ATRN: variants seen among roughly 807,000 people sequenced by gnomAD.
The protein encoded by ATRN is attractin.
ATRN carries 54 observed loss-of-function variants against 178.7 expected under a neutral mutation model. The ratio of observed to expected loss-of-function variants is 0.30; its 90% CI spans 0.24 to 0.38. The LOEUF (loss-of-function observed/expected upper bound fraction) is 0.38, where lower values mean the gene tolerates loss of function less well. Ranked by LOEUF, ATRN falls within the 10% of genes least tolerant of loss-of-function variation. ATRN has a pLI of 1.00. For missense variants in ATRN, 1,443 were observed against 1,815.1 expected, an observed-to-expected ratio of 0.79 and a Z score of 3.73; for synonymous variants, 636 against 663.0, an observed-to-expected ratio of 0.96 and a Z score of 0.63.
intron 18 of ATRN, among the ~76,000 whole-genome samples, chr20:3,589,284 C>G (rs925486034): frequency 6.6e-6 from 1 of 152,126 alleles, no homozygotes; most frequent in Non-Finnish European, 1.5e-5. Context: ...AGGCGTGAGC[C>G]ACCACGCCCG....
At chr20:3,611,346 C>T (rs543330434) in intron 24 of ATRN, among the ~76,000 whole-genome samples, 35 of 152,164 alleles carry the variant, frequency 2.3e-4, no homozygotes, top group Non-Finnish European at 4.0e-4. Context: ...AGTAAACAAA[C>T]GAACAATTCA....
Position 3,650,806 on chromosome 20 carries a change from T to C in ATRN, c.*3959T>C, listed in dbSNP as rs539860228. On this transcript the variant is annotated 3_prime_UTR_variant, in exon 29 of 29. Transcript: ENST00000262919. ...TGGAAATGTTTTTGTTTTATAGTTA[T>C]TTACGATTTCGTTTGTTTGGATTCA... The C allele has an allele frequency of 4.4e-4, 67 of 152,818 alleles. No homozygotes were observed. Among genetic ancestry groups the C allele is most frequent in the African/African-American group, 1.6e-3 (65 of 41,584 alleles). The allele number at this position is 152,818 out of a possible 1,614,324, so 9.5% of individuals were successfully genotyped here.
chr20:3,540,295 G>A lies in ATRN; in HGVS notation c.568G>A (p.Asp190Asn), dbSNP rs2146189489. The change falls in exon 3 of 29, where the codon GAT (aspartate) becomes AAT (asparagine). Residue 190 changes from aspartate (D) to asparagine (N), a missense_variant. Physicochemically the swap from Asp to Asn is conservative, Grantham distance 23 (BLOSUM62 1). Coordinates refer to ENST00000262919, the MANE Select transcript of ATRN (RefSeq NM_139321.3). ...TAGTTGGGACCATTTATATGTTTAT[G>A]ATGGGGACTCAATTTATGCACCGCT... The part of the protein sequence containing the change: ...ECSWDHLYVY[D>N]GDSIYAPLVA... The A allele has an allele frequency of 6.2e-7, 1 of 1,610,968 alleles. No homozygotes were observed. Among genetic ancestry groups the A allele is most frequent in the Non-Finnish European group, 8.5e-7 (1 of 1,178,408 alleles).
intron 15 of ATRN, among the ~76,000 whole-genome samples, chr20:3,580,430 G>T (rs954186460): frequency 6.6e-6 from 1 of 152,222 alleles, no homozygotes; most frequent in African/African-American, 2.4e-5. Context: ...ACTGACAGAT[G>T]AGAGACAACT....
intron 23 of ATRN, among the ~76,000 whole-genome samples, chr20:3,602,963 CAAAAAAAAAAAAAAAAAAA>C (rs3842439): frequency 2.4e-5 from 1 of 40,868 alleles, no homozygotes; most frequent in Non-Finnish European, 4.5e-5. Context: ...AATTCCATCT[CAAAAAAAAAAAAAAAAAAA>C]AAAAAAAAAA....
rs1331325911 is a variant in ATRN, at chr20:3,645,827, C to G, written c.4166-896C>G. Among the ~76,000 whole-genome samples, 1 of 151,956 alleles carries G rather than the reference C, an allele frequency of 6.6e-6. No homozygotes were observed. The highest frequency in any genetic ancestry group is 1.5e-5 in the Non-Finnish European group (1 of 68,006). On this transcript the variant is annotated intron_variant, in intron 28 of 28. Coordinates refer to ENST00000262919, the MANE Select transcript of ATRN (RefSeq NM_139321.3). The surrounding 1 kb of genome is among the most constrained non-coding windows in gnomAD (Gnocchi z 4.7). The stretch of plus-strand genomic sequence containing the variant: ...CACTAACACAACTCCTGGCAGGTCT[C>G]AGCAGAGCTCCGAGCCTGCGCTGGC...
chr20:3,540,653 T>C (rs772829885), intron 3 of ATRN, among the ~76,000 whole-genome samples: 5 of 152,252 alleles, frequency 3.3e-5, no homozygotes, highest in Non-Finnish European at 5.9e-5. Flanking sequence ...GAGAGTGATA[T>C]ATTGAATGAT....
chr20:3,580,017 A>C (rs1226066046), intron 15 of ATRN, among the ~76,000 whole-genome samples: 1 of 152,174 alleles, frequency 6.6e-6, no homozygotes, highest in Non-Finnish European at 1.5e-5. Flanking sequence ...ACATATTCTT[A>C]GTGTGTTTAC....
At chr20:3,485,848 C>G (rs536656078) in intron 1 of ATRN, among the ~76,000 whole-genome samples, 1 of 151,962 alleles carries the variant, frequency 6.6e-6, no homozygotes, top group East Asian at 1.9e-4. Context: ...TCTCAAACTC[C>G]TGACCTCATA....
chr20:3,592,423 A>G (rs2086461042), intron 19 of ATRN: 1 of 983,360 alleles, frequency 1.0e-6, no homozygotes, highest in East Asian at 1.1e-4. Context: ...AAGAAAAAAA[A>G]AAAAGTCCTG....
At chr20:3,583,845 C>T in intron 16 of ATRN, 53 bp from the exon 17 acceptor site, 1 of 1,512,726 alleles carries the variant, frequency 6.6e-7, no homozygotes, top group East Asian at 2.3e-5. Context: ...AAGTCTTTGA[C>T]CTTAGCGGAC....
chr20:3,514,945 A>G (rs904331344), intron 1 of ATRN, among the ~76,000 whole-genome samples: 1 of 152,208 alleles, frequency 6.6e-6, no homozygotes, highest in African/African-American at 2.4e-5. Flanking sequence ...TGACAAAGCA[A>G]GACACTGTCT....
At chr20:3,502,934 G>T (rs376544444) in intron 1 of ATRN, among the ~76,000 whole-genome samples, 1 of 152,226 alleles carries the variant, frequency 6.6e-6, no homozygotes, top group African/African-American at 2.4e-5. Context: ...AAGAGCAAGT[G>T]GCCCATTACA....
At chr20:3,555,262 C>G (rs546702307) in intron 6 of ATRN, among the ~76,000 whole-genome samples, 182 of 152,140 alleles carry the variant, frequency 1.2e-3, no homozygotes, top group African/African-American at 4.1e-3. Flanking sequence ...CTCGGCCTCC[C>G]AAAGTGCTGG....
chr20:3,559,479 A>T lies in ATRN; in HGVS notation c.1199A>T (p.Tyr400Phe). Residue 400 changes from tyrosine to phenylalanine, a missense_variant, in exon 7 of 29, where the codon TAC (tyrosine) becomes TTC (phenylalanine). This residue lies in a region of ATRN where 862 missense variants were observed against 972.1 expected (regional missense o/e 0.89). Coordinates refer to ENST00000262919, the MANE Select transcript of ATRN (RefSeq NM_139321.3). ...VVRYGHSLAL[Y>F]KDKIYMYGGK... ...AGATATGGTCATTCTTTGGCATTAT[A>T]CAAGGTAAAGCATCTCCACTCTGTG... 1 of 1,612,560 alleles carries T rather than the reference A, an allele frequency of 6.2e-7. No individual in the cohort carries two copies. Among genetic ancestry groups the T allele is most frequent in the South Asian group, 1.1e-5 (1 of 91,040 alleles).
chr20:3,567,750 A>G (rs1760180313), intron 11 of ATRN, among the ~76,000 whole-genome samples: 1 of 152,084 alleles, frequency 6.6e-6, no homozygotes, highest in Non-Finnish European at 1.5e-5. Flanking sequence ...AGGAAGGAGG[A>G]GGAGAGATGG....
In ATRN at chr20:3,572,941, T is replaced by C. The variant is rs1473265030; in HGVS notation, c.2082T>C (p.Phe694=). The change falls in exon 12 of 29, where the codon TTT becomes TTC. Residue 694 remains phenylalanine, a synonymous_variant. Transcript: ENST00000262919. ...EQEEKLKSEC[F]SKRTLDHDRC... ...AAGAAAAGTTAAAATCAGAATGTTTTTCCAAAAGAAGTATGTTTTTTTTTC... is the reference window on the plus strand; with the variant it reads ...AAGAAAAGTTAAAATCAGAATGTTTCTCCAAAAGAAGTATGTTTTTTTTTC... The C allele has an allele frequency of 6.2e-7, 1 of 1,613,608 alleles. No individual in the cohort carries two copies. The highest frequency in any genetic ancestry group is 1.7e-5 in the Admixed American group (1 of 59,996).
intron 24 of ATRN, chr20:3,615,787 G>T: frequency 2.2e-6 from 1 of 453,700 alleles, no homozygotes. Context: ...GCAAACTATC[G>T]CAAGGACAAA....
chr20:3,528,323 C>T lies in ATRN; in HGVS notation c.411-6930C>T, dbSNP rs534300222. 2.5e-3 allele frequency among the ~76,000 whole-genome samples: 378 copies of T among 151,750 alleles called. 1 individual carries two copies. The highest frequency in any genetic ancestry group is 4.0e-3 in the Non-Finnish European group (275 of 67,950). ...CGGAGGTTGCAGTTGACCGAGATTG[C>T]GCCATTGCACTCCAGCCTGGGCAAC... On this transcript the variant is annotated intron_variant, in intron 1 of 28. Transcript: ENST00000262919.
Sources: allele counts gnomAD v4.1 joint callset (sites outside exome capture counted in the v4.1 genomes callset), GRCh38; gene constraint gnomAD v4.1.1; regional missense constraint gnomAD v4.1.1; non-coding constraint Gnocchi (gnomAD v3.1); transcripts MANE v1.5; gene names NCBI Gene and HGNC (gene_info 2026-07-23, HGNC 2026-07-21).